ME3: variants seen among roughly 807,000 people sequenced by gnomAD.
The protein encoded by ME3 is NADP-dependent malic enzyme, mitochondrial.
Under a neutral mutation model 68.9 loss-of-function variants are expected in ME3, and 48 were observed. The ratio of observed to expected loss-of-function variants is 0.70; its 90% CI spans 0.55 to 0.89. The LOEUF is 0.89. Among genes scored for constraint, ME3 ranks in the 40% least tolerant of loss-of-function variants. The pLI is 0.00. For missense variants in ME3, 675 were observed against 797.4 expected, an observed-to-expected ratio of 0.85 and a Z score of 1.85; for synonymous variants, 320 against 318.8, an observed-to-expected ratio of 1.00 and a Z score of -0.04.
At chr11:86,472,828 G>A (rs1406918965) in intron 7 of ME3, among the ~76,000 whole-genome samples, 1 of 152,214 alleles carries the variant, frequency 6.6e-6, no homozygotes, top group Admixed American at 6.5e-5. Context: ...TGAATGAGAA[G>A]GAGGAGCCCA....
intron 7 of ME3, among the ~76,000 whole-genome samples, chr11:86,472,890 G>T (rs1006081714): frequency 6.6e-6 from 1 of 152,224 alleles, no homozygotes; most frequent in Non-Finnish European, 1.5e-5. Flanking sequence ...GGTTGGGGAT[G>T]GGGAAAGAAA....
intron 2 of ME3, among the ~76,000 whole-genome samples, chr11:86,612,441 C>G (rs1425461992): frequency 6.6e-6 from 1 of 152,126 alleles, no homozygotes; most frequent in Non-Finnish European, 1.5e-5. Context: ...AATGGGATTG[C>G]TGGGTCAAAT....
At position 86,592,016 on chromosome 11, in the gene ME3, A is replaced by G. The variant is rs555017670; in HGVS notation, c.184-32193T>C. Among the ~76,000 whole-genome samples, 23 of 152,272 alleles carry G rather than the reference A, an allele frequency of 1.5e-4. No homozygotes were observed. The East Asian group carries it at 4.1e-3, about 27-fold the overall frequency. On this transcript the variant is annotated intron_variant, in intron 2 of 14. Transcript: ENST00000543262. The stretch of plus-strand genomic sequence containing the variant: ...GTGTTTTGTTATGGGAGCCTGAGCA[A>G]ACTAATACACTTCCTATGAAGAAAA...
At chr11:86,455,366 T>A (rs1269813872) in intron 8 of ME3, among the ~76,000 whole-genome samples, 2 of 152,216 alleles carry the variant, frequency 1.3e-5, no homozygotes, top group Non-Finnish European at 2.9e-5. Context: ...TGAGCATCAA[T>A]TATGAACCAG....
At chr11:86,659,566 A>G (rs908057723) in intron 2 of ME3, among the ~76,000 whole-genome samples, 3 of 152,232 alleles carry the variant, frequency 2.0e-5, no homozygotes. Flanking sequence ...GTGTTCCAAC[A>G]GAGGAGAAAA....
chr11:86,583,433 T>G (rs576932905), intron 2 of ME3, among the ~76,000 whole-genome samples: 20 of 152,344 alleles, frequency 1.3e-4, no homozygotes, highest in Non-Finnish European at 2.1e-4. Context: ...ATGCTATTCA[T>G]TCCTCAAAAA....
chr11:86,562,698 G>A (rs140158131), intron 2 of ME3, among the ~76,000 whole-genome samples: 4 of 152,010 alleles, frequency 2.6e-5, no homozygotes, highest in Admixed American at 6.6e-5. Flanking sequence ...TTTAGATACA[G>A]GGGTACATGC....
rs571846581 is a variant in ME3, at chr11:86,526,170, T to A, written c.468-17303A>T. 1.5e-3 allele frequency among the ~76,000 whole-genome samples: 234 copies of A among 152,324 alleles called. 1 individual carries two copies. Among genetic ancestry groups the A allele is most frequent in the African/African-American group, 4.5e-3 (189 of 41,578 alleles). ...CTGGAAAATCGGGTCACTCCCACCCTAATACTGCGCTGTTCCAACAGTCTT... is the reference window on the plus strand; with the variant it reads ...CTGGAAAATCGGGTCACTCCCACCCAAATACTGCGCTGTTCCAACAGTCTT... On this transcript the variant is annotated intron_variant, in intron 4 of 14. Coordinates refer to ENST00000543262, the Ensembl canonical transcript of ME3.
intron 4 of ME3, among the ~76,000 whole-genome samples, chr11:86,535,972 A>T (rs1159241704): frequency 1.3e-5 from 2 of 152,168 alleles, no homozygotes; most frequent in African/African-American, 4.8e-5. Context: ...TGAGCAAACA[A>T]ATTTGTCTCC....
chr11:86,567,335 T>A (rs1331473871), intron 2 of ME3, among the ~76,000 whole-genome samples: 2 of 152,196 alleles, frequency 1.3e-5, no homozygotes, highest in Non-Finnish European at 2.9e-5. Context: ...TTCCTCTTTA[T>A]TTTGTAATTT....
chr11:86,526,751 G>C (rs897628423), intron 4 of ME3, among the ~76,000 whole-genome samples: 1 of 152,188 alleles, frequency 6.6e-6, no homozygotes, highest in African/African-American at 2.4e-5. Flanking sequence ...ATACCCAGGC[G>C]AACAGGGTCT....
intron 2 of ME3, among the ~76,000 whole-genome samples, chr11:86,600,516 C>T (rs1470752075): frequency 1.3e-5 from 2 of 149,778 alleles, no homozygotes; most frequent in African/African-American, 4.9e-5. Flanking sequence ...GACTTTAACA[C>T]CCCACTGTCA....
chr11:86,537,327 T>TA (rs1162705646), intron 4 of ME3, among the ~76,000 whole-genome samples: 1 of 151,020 alleles, frequency 6.6e-6, no homozygotes, highest in African/African-American at 2.4e-5. Context: ...TATAATATTA[T>TA]ATATAATATT....
chr11:86,576,240 A>T (rs907849878), intron 2 of ME3, among the ~76,000 whole-genome samples: 4 of 152,154 alleles, frequency 2.6e-5, no homozygotes, highest in Admixed American at 2.6e-4. Flanking sequence ...GAGGTGGATA[A>T]CCAAGGCTTT....
At chr11:86,514,285 T>C (rs1953739340) in intron 4 of ME3, among the ~76,000 whole-genome samples, 1 of 152,216 alleles carries the variant, frequency 6.6e-6, no homozygotes, top group Admixed American at 6.5e-5. Flanking sequence ...GTCTCTGTTA[T>C]TTCTTTATAG....
chr11:86,501,221 G>A (rs1481645693), intron 5 of ME3, among the ~76,000 whole-genome samples: 1 of 129,914 alleles, frequency 7.7e-6, no homozygotes, highest in Admixed American at 7.8e-5. Flanking sequence ...TTGTTGTAAT[G>A]ATGAAATAAA....
At chr11:86,481,419 C>G (rs1021566668) in intron 7 of ME3, among the ~76,000 whole-genome samples, 11 of 152,108 alleles carry the variant, frequency 7.2e-5, no homozygotes, top group Admixed American at 2.6e-4. Flanking sequence ...TTCAAAAATA[C>G]AGATGTCCAG....
chr11:86,631,919 G>C (rs1944044208), intron 2 of ME3, among the ~76,000 whole-genome samples: 1 of 152,186 alleles, frequency 6.6e-6, no homozygotes, highest in South Asian at 2.1e-4. Flanking sequence ...TTTTAGGAGA[G>C]AGAGGGTTTC....
chr11:86,593,753 T>G lies in ME3; in HGVS notation c.184-33930A>C, dbSNP rs538194276. On this transcript the variant is annotated intron_variant, in intron 2 of 14. Transcript: ENST00000543262. ...ACTTGAGATCATACTATGTATAAAA[T>G]TTTTTAGTCTTTTTTCCCCACTAAA... Among the ~76,000 whole-genome samples, 116 of 146,750 alleles carry G rather than the reference T, an allele frequency of 7.9e-4. 8 individuals are homozygous for G. The highest frequency in any genetic ancestry group is 1.4e-3 in the Non-Finnish European group (95 of 67,222).
Sources: allele counts gnomAD v4.1 joint callset (sites outside exome capture counted in the v4.1 genomes callset), GRCh38; gene constraint gnomAD v4.1.1; transcripts MANE v1.5; gene names NCBI Gene and HGNC (gene_info 2026-07-23, HGNC 2026-07-21).